HUWE1: variants seen among roughly 807,000 people sequenced by gnomAD.
HUWE1 encodes the protein E3 ubiquitin-protein ligase HUWE1.
A neutral mutation model predicts 299.4 loss-of-function variants in HUWE1; 18 were observed. The observed-to-expected ratio is 0.06, with a 90% CI of 0.04 to 0.09. The LOEUF (loss-of-function observed/expected upper bound fraction) is 0.09, where lower values mean the gene tolerates loss of function less well. Among genes scored for constraint, HUWE1 ranks in the 10% least tolerant of loss-of-function variants. The pLI is 1.00. For missense variants in HUWE1, 1,832 were observed against 3,462.3 expected (o/e 0.53, Z 11.82); for synonymous variants, 1,317 against 1,286.1 (o/e 1.02, Z -0.51).
At chrX:53,656,654 C>T (rs2068763113) in intron 3 of HUWE1, among the ~76,000 whole-genome samples, 1 of 110,104 alleles carries the variant, frequency 9.1e-6, no homozygotes, top group South Asian at 3.8e-4. Flanking sequence ...AATATAATTC[C>T]TATTCAAATC....
intron 2 of HUWE1, among the ~76,000 whole-genome samples, chrX:53,682,800 G>C (rs782458272): frequency 9.0e-6 from 1 of 111,533 alleles, no homozygotes; most frequent in South Asian, 3.8e-4. Context: ...AGGGGAAATG[G>C]AAGAGGCAGG....
chrX:53,645,133 T>G (rs1159528937), intron 7 of HUWE1, among the ~76,000 whole-genome samples, 178 bp downstream of exon 7: 1 of 112,251 alleles, frequency 8.9e-6, no homozygotes, highest in Non-Finnish European at 1.9e-5. Flanking sequence ...TCCTTCAAAA[T>G]TACTTAATAA....
intron 7 of HUWE1, among the ~76,000 whole-genome samples, chrX:53,643,063 T>C (rs183496180): frequency 8.9e-6 from 1 of 112,412 alleles, no homozygotes; most frequent in African/African-American, 3.2e-5. Context: ...ACAACTGACA[T>C]TTTTCTTGAT....
intron 23 of HUWE1, among the ~76,000 whole-genome samples, chrX:53,612,812 G>C (rs2065566686): frequency 9.0e-6 from 1 of 111,682 alleles, no homozygotes; most frequent in Non-Finnish European, 1.9e-5. Flanking sequence ...GCTGTGGATA[G>C]AACACAGTGA....
intron 25 of HUWE1, 136 bp from the exon 26 acceptor site, chrX:53,604,970 G>A (rs1393989589): frequency 3.6e-6 from 2 of 557,877 alleles, no homozygotes; most frequent in Non-Finnish European, 5.8e-6. Context: ...CTCTCACCTG[G>A]TAAATGGTGG....
rs2062688222 is a variant in HUWE1, at chrX:53,568,809, T to C, written c.6590A>G (p.Tyr2197Cys). The C allele has an allele frequency of 8.3e-7, 1 of 1,209,407 alleles. No individual in the cohort carries two copies. Among genetic ancestry groups the C allele is most frequent in the Non-Finnish European group, 1.1e-6 (1 of 894,096 alleles). ...MESCPSTSSF[Y>C]SSATAKTQHN... ...CTGGGTCTTCGCTGTGGCACTGCTG[T>C]AGAAGCTGGAGGTGGAGGGGCAGGA... The change falls in exon 49 of 84, where the codon TAC (tyrosine) becomes TGC (cysteine). Residue 2197 changes from tyrosine (Y) to cysteine (C), a missense_variant. By Grantham distance (194) the Tyr-to-Cys change is radical. Coordinates refer to ENST00000262854, the MANE Select transcript of HUWE1 (RefSeq NM_031407.7).
At chrX:53,618,241 C>T (rs1557009250) in intron 19 of HUWE1, among the ~76,000 whole-genome samples, 1 of 110,767 alleles carries the variant, frequency 9.0e-6, no homozygotes, top group African/African-American at 3.3e-5. Context: ...ACTGGAAAAG[C>T]TTATAAACCT....
intron 49 of HUWE1, among the ~76,000 whole-genome samples, chrX:53,567,737 T>C (rs1215164529): frequency 2.7e-5 from 3 of 111,841 alleles, no homozygotes; most frequent in Non-Finnish European, 5.6e-5. Context: ...TTTAGGTATA[T>C]GATTGATAGT....
intron 38 of HUWE1, 105 bp downstream of exon 38, chrX:53,586,677 G>T: frequency 9.2e-7 from 1 of 1,090,935 alleles, no homozygotes; most frequent in Non-Finnish European, 1.3e-6. Context: ...TAAAACTACA[G>T]AAGTACCACA....
chrX:53,572,931 G>A (rs868963592), intron 47 of HUWE1, among the ~76,000 whole-genome samples: 19 of 109,162 alleles, frequency 1.7e-4, no homozygotes, highest in African/African-American at 5.7e-4. Flanking sequence ...CTTGTTAGAT[G>A]CCAACCCATA....
chrX:53,614,392 C>A, intron 23 of HUWE1, 142 bp downstream of exon 23: 1 of 523,571 alleles, frequency 1.9e-6, no homozygotes. Flanking sequence ...AAAACTAATA[C>A]ATTCTTAGAA....
intron 71 of HUWE1, 44 bp from the exon 72 acceptor site, chrX:53,544,806 G>T (rs2147138134): frequency 1.9e-6 from 2 of 1,058,226 alleles, no homozygotes; most frequent in East Asian, 3.0e-5. Context: ...CAGCATCAAA[G>T]TATAAACACC....
chrX:53,537,969 G>A (rs1016977869), intron 77 of HUWE1, among the ~76,000 whole-genome samples: 2 of 111,701 alleles, frequency 1.8e-5, no homozygotes, highest in Non-Finnish European at 1.9e-5. Context: ...CATGCACGAG[G>A]AGAAGGAGAG....
At chrX:53,631,055 C>T (rs782502353) in intron 11 of HUWE1, 21 bp from the exon 12 acceptor site, 7 of 951,793 alleles carry the variant, frequency 7.4e-6, no homozygotes, top group South Asian at 3.9e-5. Flanking sequence ...ATAAGACATA[C>T]ATTTTAAAAA....
At position 53,615,783 on chromosome X, in the gene HUWE1, C is replaced by T. The variant is rs2065766674; in HGVS notation, c.2010G>A (p.Gln670=). 1 of 1,210,089 alleles carries T rather than the reference C, an allele frequency of 8.3e-7. No individual in the cohort carries two copies. Among genetic ancestry groups the T allele is most frequent in the African/African-American group, 1.7e-5 (1 of 57,657 alleles). ...GSAVDELMRH[Q]PTLKTDATTA... Reference sequence around the variant, plus strand: ...TCGTTGCATCTGTTTTAAGGGTGGGCTGATGTCTCATGAGCTCATCGACAG... The same window carrying T: ...TCGTTGCATCTGTTTTAAGGGTGGGTTGATGTCTCATGAGCTCATCGACAG... Residue 670 remains glutamine, a synonymous_variant, in exon 22 of 84, where the codon CAG becomes CAA. Coordinates refer to ENST00000262854, the MANE Select transcript of HUWE1 (RefSeq NM_031407.7).
At chrX:53,660,953 T>C (rs1376760868) in intron 3 of HUWE1, among the ~76,000 whole-genome samples, 2 of 111,649 alleles carry the variant, frequency 1.8e-5, no homozygotes, top group African/African-American at 3.3e-5. Flanking sequence ...AAAAAGTACC[T>C]TTCTTGGTCA....
At chrX:53,654,526 G>A (rs1202196624) in intron 3 of HUWE1, among the ~76,000 whole-genome samples, 4 of 111,656 alleles carry the variant, frequency 3.6e-5, no homozygotes, top group Admixed American at 9.5e-5. Context: ...AAAGAAAGTC[G>A]TAAAGATGTA....
intron 83 of HUWE1, 57 bp downstream of exon 83, chrX:53,533,950 T>TC (rs1396156637): frequency 4.5e-5 from 49 of 1,094,583 alleles, no homozygotes; most frequent in Middle Eastern, 2.4e-4. Flanking sequence ...CCTGAAAACA[T>TC]CAAGTATGCA....
chrX:53,579,001 C>G (rs1403917913), intron 43 of HUWE1, among the ~76,000 whole-genome samples: 9 of 62,426 alleles, frequency 1.4e-4, no homozygotes, highest in Admixed American at 6.3e-4. Flanking sequence ...CCCCTCTGCC[C>G]GGCCAGCCGC....
Sources: allele counts gnomAD v4.1 joint callset (sites outside exome capture counted in the v4.1 genomes callset), GRCh38; gene constraint gnomAD v4.1.1; transcripts MANE v1.5; gene names NCBI Gene and HGNC (gene_info 2026-07-23, HGNC 2026-07-21).